ADGRL2: variants seen among roughly 807,000 people sequenced by gnomAD.
ADGRL2 encodes adhesion G protein-coupled receptor L2.
Under a neutral mutation model 157.4 loss-of-function variants are expected in ADGRL2, and 44 were observed. That is an observed-to-expected ratio of 0.28 (90% confidence interval 0.22 to 0.36). The LOEUF is 0.36. ADGRL2 is among the 10% of genes least tolerant of loss of function. The pLI is 1.00. For synonymous variants in ADGRL2, 585 were observed against 624.7 expected (o/e 0.94, Z 0.95); for missense variants, 1,510 against 1,768.9 (o/e 0.85, Z 2.63).
intron 2 of ADGRL2, among the ~76,000 whole-genome samples, chr1:81,507,913 C>T (rs1480931411): frequency 7.3e-6 from 1 of 136,852 alleles, no homozygotes; most frequent in East Asian, 2.1e-4. Context: ...CATGAGATTA[C>T]CTTATTTAAA....
chr1:81,976,488 T>C (rs1185474054), intron 17 of ADGRL2, among the ~76,000 whole-genome samples: 2 of 152,018 alleles, frequency 1.3e-5, no homozygotes. Context: ...ACTTGTAATT[T>C]GAGCGCAAAG....
At chr1:81,466,755 C>T (rs747659748) in intron 2 of ADGRL2, among the ~76,000 whole-genome samples, 1 of 151,990 alleles carries the variant, frequency 6.6e-6, no homozygotes, top group Non-Finnish European at 1.5e-5. Context: ...CAAGTCTGTT[C>T]ATTTAATTCC....
In ADGRL2 at chr1:81,666,478, G is replaced by C. The variant is rs139956947; in HGVS notation, c.-143+85498G>C. ...GCTGAAGGACATCATTAAACTCTCA[G>C]TGTTTGATTTCATTTCTTCTCCTCT... On this transcript the variant is annotated intron_variant, in intron 3 of 24. Transcript: ENST00000370721. 2.6e-5 allele frequency among the ~76,000 whole-genome samples: 4 copies of C among 152,250 alleles called. No homozygotes were observed. In the East Asian group the frequency reaches 7.7e-4, roughly 29 times the overall value.
chr1:81,950,600 A>G, intron 7 of ADGRL2, 118 bp downstream of exon 7: 1 of 988,992 alleles, frequency 1.0e-6, no homozygotes, highest in South Asian at 1.7e-5. Context: ...TTATTTTTGT[A>G]CTTTGGTAAT....
At chr1:81,361,649 A>T (rs2075980084) in intron 1 of ADGRL2, among the ~76,000 whole-genome samples, 1 of 152,120 alleles carries the variant, frequency 6.6e-6, no homozygotes, top group East Asian at 1.9e-4. Flanking sequence ...AAAAATAAGC[A>T]ATCTGCTTTG....
At chr1:81,688,803 A>G (rs972529924) in intron 3 of ADGRL2, among the ~76,000 whole-genome samples, 1 of 152,102 alleles carries the variant, frequency 6.6e-6, no homozygotes, top group Admixed American at 6.6e-5. Context: ...GGGCGGCTCT[A>G]TCAGAGGGAA....
intron 3 of ADGRL2, among the ~76,000 whole-genome samples, chr1:81,653,764 A>G (rs1345348173): frequency 6.6e-6 from 1 of 152,128 alleles, no homozygotes; most frequent in African/African-American, 2.4e-5. Context: ...TCTGAGAAAA[A>G]AAGTTTAGAT....
At chr1:81,917,495 A>G (rs2094883654) in intron 3 of ADGRL2, among the ~76,000 whole-genome samples, 1 of 152,136 alleles carries the variant, frequency 6.6e-6, no homozygotes, top group Admixed American at 6.6e-5. Context: ...TGTGGATGTT[A>G]GAAGGAAAAA....
chr1:81,336,773 C>T (rs1661669670), intron 1 of ADGRL2, among the ~76,000 whole-genome samples: 1 of 152,078 alleles, frequency 6.6e-6, no homozygotes, highest in Non-Finnish European at 1.5e-5. Context: ...CCGGTGAGGG[C>T]CCCACCCTCG....
At chr1:81,624,711 TAAAG>T (rs1201460248) in intron 3 of ADGRL2, among the ~76,000 whole-genome samples, 4 of 152,184 alleles carry the variant, frequency 2.6e-5, no homozygotes, top group African/African-American at 9.7e-5. Context: ...GTTCAAGCCA[TAAAG>T]AAAATAGGCA....
intron 2 of ADGRL2, among the ~76,000 whole-genome samples, chr1:81,787,125 G>A (rs557732718): frequency 8.6e-4 from 130 of 151,946 alleles, no homozygotes; most frequent in Non-Finnish European, 6.6e-4. Flanking sequence ...TTCACCTCCC[G>A]CCATGATTCT....
chr1:81,748,274 C>T (rs1050496262), intron 1 of ADGRL2, among the ~76,000 whole-genome samples: 1 of 151,714 alleles, frequency 6.6e-6, no homozygotes, highest in African/African-American at 2.4e-5. Context: ...GTCAAGAGAT[C>T]GAGACCATCC....
intron 2 of ADGRL2, among the ~76,000 whole-genome samples, chr1:81,521,403 G>C (rs1345457686): frequency 6.6e-6 from 1 of 152,072 alleles, no homozygotes; most frequent in Non-Finnish European, 1.5e-5. Flanking sequence ...GATTTCAAAA[G>C]AGTCAAAGGA....
intron 11 of ADGRL2, among the ~76,000 whole-genome samples, chr1:81,963,989 G>C (rs1240505718): frequency 6.6e-6 from 1 of 151,130 alleles, no homozygotes; most frequent in Non-Finnish European, 1.5e-5. Context: ...AGTTTCTATT[G>C]TCTTTTAAAA....
At chr1:81,837,956 T>C (rs1038269991) in intron 2 of ADGRL2, among the ~76,000 whole-genome samples, 4 of 151,968 alleles carry the variant, frequency 2.6e-5, no homozygotes, top group African/African-American at 7.2e-5. Context: ...GTATAAAATC[T>C]CTGAGAAATG....
At chr1:81,812,254 A>G (rs923641635) in intron 1 of ADGRL2, among the ~76,000 whole-genome samples, 1 of 151,872 alleles carries the variant, frequency 6.6e-6, no homozygotes, top group Non-Finnish European at 1.5e-5. Context: ...TCAAAGCAGT[A>G]TAAATTGACA....
intron 2 of ADGRL2, among the ~76,000 whole-genome samples, chr1:81,549,934 AAG>A: frequency 1.1e-5 from 1 of 88,558 alleles, no homozygotes; most frequent in Non-Finnish European, 2.6e-5. Context: ...ATAACCTGCT[AAG>A]ATAGAAAAGG....
chr1:81,933,656 A>G (rs1456652715), intron 3 of ADGRL2, among the ~76,000 whole-genome samples: 3 of 152,106 alleles, frequency 2.0e-5, no homozygotes, highest in African/African-American at 4.8e-5. Context: ...TTGTTAAGGA[A>G]TTTTCAGATT....
chr1:81,311,002 A>T (rs1359695500), intron 1 of ADGRL2, among the ~76,000 whole-genome samples: 1 of 152,116 alleles, frequency 6.6e-6, no homozygotes, highest in African/African-American at 2.4e-5. Flanking sequence ...TGTAATACTG[A>T]GCTCCCTATC....
Sources: gnomAD v4.1 joint callset for allele counts (sites outside exome capture counted in the v4.1 genomes callset) on GRCh38, gnomAD v4.1.1 for gene constraint, MANE v1.5 for transcripts, NCBI Gene and HGNC (gene_info 2026-07-23, HGNC 2026-07-21) for gene names.